HTT: variants seen among roughly 807,000 people sequenced by gnomAD.
The protein encoded by HTT is huntingtin, also known as huntington disease protein.
HTT carries 104 observed loss-of-function variants against 362.3 expected under a neutral mutation model. That is an observed-to-expected ratio of 0.29 (90% CI 0.24 to 0.34). The LOEUF is 0.34. Among genes scored for constraint, HTT ranks in the 10% least tolerant of loss-of-function variants. The pLI is 1.00. For synonymous variants in HTT, 1,577 were observed against 1,548.7 expected (o/e 1.02, Z -0.43); for missense variants, 3,301 against 3,928.6 (o/e 0.84, Z 4.27).
intron 33 of HTT, 127 bp downstream of exon 33, chr4:3,175,234 A>G (rs913651628): frequency 1.1e-6 from 1 of 882,554 alleles, no homozygotes. Context: ...GCTGCTGCTT[A>G]TCTTTTTCAT....
rs778248380 is a variant in HTT, at chr4:3,240,030, C to T, written c.9400C>T (p.Arg3134Ter). 8 of 1,597,370 alleles carry T rather than the reference C, an allele frequency of 5.0e-6. No individual in the cohort carries two copies. The highest frequency in any genetic ancestry group is 6.8e-6 in the Non-Finnish European group (8 of 1,171,390). The change falls in exon 67 of 67, where the codon CGA (arginine) becomes TGA (stop). Residue 3134 changes from arginine to a stop codon, truncating the protein, a stop_gained. Transcript: ENST00000355072. LOFTEE classifies it high-confidence loss of function. ...SPYHRLLTCL[R>*]NVHKVTTC ...ATATCACCGGCTGCTGACTTGTTTACGAAATGTCCACAAGGTCACCACCTG... is the reference window on the plus strand; with the variant it reads ...ATATCACCGGCTGCTGACTTGTTTATGAAATGTCCACAAGGTCACCACCTG...
intron 64 of HTT, among the ~76,000 whole-genome samples, chr4:3,238,074 T>G (rs1721624161): frequency 6.6e-6 from 1 of 151,568 alleles, no homozygotes; most frequent in Non-Finnish European, 1.5e-5. Flanking sequence ...TTCCTTTATG[T>G]AGCTTTCAAA....
chr4:3,114,263 C>G (rs939891471), intron 6 of HTT, among the ~76,000 whole-genome samples: 2 of 152,214 alleles, frequency 1.3e-5, no homozygotes, highest in Non-Finnish European at 2.9e-5. Context: ...CCAGGTGTTC[C>G]TTGCCCTCAT....
intron 6 of HTT, among the ~76,000 whole-genome samples, chr4:3,112,144 G>A (rs1295457188): frequency 6.6e-6 from 1 of 152,078 alleles, no homozygotes; most frequent in African/African-American, 2.4e-5. Context: ...CATGATTTTT[G>A]TGGGGTTTCT....
At chr4:3,156,657 C>T (rs1184119018) in intron 27 of HTT, among the ~76,000 whole-genome samples, 5 of 152,106 alleles carry the variant, frequency 3.3e-5, no homozygotes, top group Non-Finnish European at 7.4e-5. Flanking sequence ...AATGTTTGTG[C>T]CTTTGCCGTC....
intron 8 of HTT, among the ~76,000 whole-genome samples, chr4:3,119,641 G>T (rs969661941): frequency 1.3e-5 from 2 of 152,176 alleles, no homozygotes; most frequent in African/African-American, 4.8e-5. Flanking sequence ...TCTAGGCAGA[G>T]AACATTAAAT....
chr4:3,124,341 C>T (rs1715425247), intron 10 of HTT, among the ~76,000 whole-genome samples: 1 of 152,190 alleles, frequency 6.6e-6, no homozygotes, highest in African/African-American at 2.4e-5. Flanking sequence ...GGGATATATC[C>T]TGTCTCTTTT....
chr4:3,081,603 G>C (rs1269321021), intron 1 of HTT, among the ~76,000 whole-genome samples: 2 of 133,842 alleles, frequency 1.5e-5, no homozygotes, highest in East Asian at 4.3e-4. Context: ...TTGTTGCCCA[G>C]GCTGGAGTGC....
chr4:3,214,583 A>G (rs1433804411), intron 50 of HTT, among the ~76,000 whole-genome samples: 1 of 152,250 alleles, frequency 6.6e-6, no homozygotes, highest in Non-Finnish European at 1.5e-5. Flanking sequence ...TTCAAGGAAC[A>G]GTATCCTCAA....
At chr4:3,143,020 G>A in intron 23 of HTT, 134 bp downstream of exon 23, 1 of 618,494 alleles carries the variant, frequency 1.6e-6, no homozygotes, top group Non-Finnish European at 2.8e-6. Flanking sequence ...GGCTTGCTAA[G>A]AAATTGTGCT....
intron 56 of HTT, among the ~76,000 whole-genome samples, chr4:3,224,340 C>A (rs1720810150): frequency 6.6e-6 from 1 of 152,218 alleles, no homozygotes; most frequent in Non-Finnish European, 1.5e-5. Flanking sequence ...GAAGCATTCT[C>A]TCCTGCCAGT....
intron 59 of HTT, among the ~76,000 whole-genome samples, chr4:3,229,389 A>C (rs559797499): frequency 3.5e-5 from 5 of 143,446 alleles, no homozygotes; most frequent in Non-Finnish European, 7.5e-5. Context: ...ACGTGCACAC[A>C]CCCCACACAC....
At chr4:3,189,989 C>A (rs1421738815) in intron 40 of HTT, among the ~76,000 whole-genome samples, 4 of 152,106 alleles carry the variant, frequency 2.6e-5, no homozygotes, top group African/African-American at 9.7e-5. Flanking sequence ...GCACTCCAGC[C>A]TCGGCTATAG....
At chr4:3,188,248 A>T (rs936843713) in intron 39 of HTT, 1 of 193,960 alleles carries the variant, frequency 5.2e-6, no homozygotes, top group African/African-American at 2.4e-5. Flanking sequence ...GATTGTCACC[A>T]TGTGCTGGCA....
At chr4:3,208,990 G>T in intron 46 of HTT, 79 bp downstream of exon 46, 1 of 1,453,156 alleles carries the variant, frequency 6.9e-7, no homozygotes, top group Non-Finnish European at 9.2e-7. Context: ...AGAGAGTGCA[G>T]AGGAGGTGCC....
At chr4:3,217,281 T>C (rs1056032097) in intron 51 of HTT, among the ~76,000 whole-genome samples, 3 of 152,200 alleles carry the variant, frequency 2.0e-5, no homozygotes, top group African/African-American at 7.2e-5. Flanking sequence ...CTTGGGAGTT[T>C]CCATGCCCAC....
At chr4:3,189,357 A>G in intron 40 of HTT, among the ~76,000 whole-genome samples, 1 of 152,248 alleles carries the variant, frequency 6.6e-6, no homozygotes, top group African/African-American at 2.4e-5. Flanking sequence ...CACGATAGCT[A>G]AAATGTGGAA....
chr4:3,186,837 G>C, intron 38 of HTT, 118 bp downstream of exon 38: 1 of 380,576 alleles, frequency 2.6e-6, no homozygotes, highest in South Asian at 4.2e-5. Flanking sequence ...TTGAGAGTTT[G>C]CTTTTTTTTT....
At chr4:3,225,602 G>A in intron 56 of HTT, 59 bp from the exon 57 acceptor site, 2 of 1,483,484 alleles carry the variant, frequency 1.3e-6, no homozygotes, top group Non-Finnish European at 1.9e-6. Flanking sequence ...CTGGTATGGG[G>A]TGGGCCTGCG....
Sources: allele counts gnomAD v4.1 joint callset (sites outside exome capture counted in the v4.1 genomes callset), GRCh38; gene constraint gnomAD v4.1.1; transcripts MANE v1.5; gene names NCBI Gene and HGNC (gene_info 2026-07-23, HGNC 2026-07-21).